The following ABCA12 variants were observed in gnomAD, a reference collection of about 807,000 sequenced individuals.
ABCA12 encodes ATP binding cassette subfamily A member 12.
In ABCA12, 156 loss-of-function variants were observed where a neutral mutation model predicts 293.5. That is an observed-to-expected ratio of 0.53 (90% CI 0.47 to 0.61). The LOEUF (loss-of-function observed/expected upper bound fraction) is 0.61, where lower values mean the gene tolerates loss of function less well. Ranked by LOEUF, ABCA12 falls within the 20% of genes least tolerant of loss-of-function variation. ABCA12 has a pLI of 0.00. For missense variants in ABCA12, 2,797 were observed against 3,090.2 expected (o/e 0.91, Z 2.25); for synonymous variants, 1,063 against 1,108.0 (o/e 0.96, Z 0.81).
chr2:215,075,616 C>T (rs776105778), intron 2 of ABCA12: 1 of 684,212 alleles, frequency 1.5e-6, no homozygotes. Flanking sequence ...TAGAAGAATC[C>T]CCTGTAAAAG....
chr2:214,984,133 G>A (rs1699733941), intron 28 of ABCA12, among the ~76,000 whole-genome samples: 1 of 104,764 alleles, frequency 9.5e-6, no homozygotes, highest in Non-Finnish European at 1.7e-5. Context: ...GTCTCACTCT[G>A]TCGCCCAGGC....
At chr2:215,021,729 A>G (rs906312204) in intron 11 of ABCA12, among the ~76,000 whole-genome samples, 1 of 152,202 alleles carries the variant, frequency 6.6e-6, no homozygotes, top group Non-Finnish European at 1.5e-5. Flanking sequence ...TTATTTCTAT[A>G]TTATCAAATA....
At position 215,049,820 on chromosome 2, in the gene ABCA12, A is replaced by T. The variant is rs1167431575; in HGVS notation, c.508-9T>A. Reference sequence around the variant, plus strand: ...GAATTTTGCTTTAACAGCTAAAAGCATGTGTGAAAAGAGTAAAATAAGAGT... The same window carrying T: ...GAATTTTGCTTTAACAGCTAAAAGCTTGTGTGAAAAGAGTAAAATAAGAGT... On this transcript the variant is annotated splice_polypyrimidine_tract_variant and intron_variant, in intron 5 of 52. Coordinates refer to ENST00000272895, the MANE Select transcript of ABCA12 (RefSeq NM_173076.3). The T allele has an allele frequency of 1.9e-6, 3 of 1,606,578 alleles. No homozygotes were observed. The highest frequency in any genetic ancestry group is 2.6e-6 in the Non-Finnish European group (3 of 1,174,858).
intron 2 of ABCA12, among the ~76,000 whole-genome samples, chr2:215,095,214 T>C (rs922233659): frequency 6.6e-6 from 1 of 151,618 alleles, no homozygotes; most frequent in Non-Finnish European, 1.5e-5. Flanking sequence ...TCTGGCCTAG[T>C]ATATAACAAC....
intron 2 of ABCA12, among the ~76,000 whole-genome samples, chr2:215,079,955 G>T (rs1402804102): frequency 6.6e-6 from 1 of 152,044 alleles, no homozygotes; most frequent in Non-Finnish European, 1.5e-5. Context: ...ACCATTTATC[G>T]TATTCCTAAT....
rs2177424 is a variant in ABCA12 at position 215,025,529 on chromosome 2, C to G, written c.1287+144G>C. On this transcript the variant is annotated intron_variant, in intron 11 of 52. Transcript: ENST00000272895. The stretch of plus-strand genomic sequence containing the variant: ...CATTATAAATCTAGAGTTAAAATAG[C>G]ATCATTATTTACAAAGATCAGATTT... 1 allele frequency: 632,433 copies of G among 632,550 alleles called. 316,159 individuals are homozygous for G. Among genetic ancestry groups the G allele is most frequent in the Middle Eastern group, 1 (2,316 of 2,316 alleles). 39.2% of individuals were successfully genotyped at this position (632,550 alleles called of 1,614,324 possible).
chr2:214,961,843 G>A lies in ABCA12; in HGVS notation c.5885-2765C>T, dbSNP rs919381402. 8 of 152,074 alleles carry A rather than the reference G, an allele frequency of 5.3e-5. 1 individual carries two copies. Among genetic ancestry groups the A allele is most frequent in the African/African-American group, 1.9e-4 (8 of 41,422 alleles). The allele number at this position is 152,074 out of a possible 1,614,324, so 9.4% of individuals were successfully genotyped here. A position where few individuals can be genotyped will look rare whatever the true frequency, so the allele number is the denominator to read the frequency against. On this transcript the variant is annotated intron_variant, in intron 39 of 52. Transcript: ENST00000272895. ...CAAAGCAATTGGGGAAAAAAATACT[G>A]TTTTCTCTGAAATGAAGACTCCTCA...
At chr2:214,961,154 A>C (rs1699101084) in intron 39 of ABCA12, among the ~76,000 whole-genome samples, 2 of 152,190 alleles carry the variant, frequency 1.3e-5, no homozygotes. Context: ...AATAAAAGTA[A>C]GTTAGGGTGA....
In ABCA12 at chr2:215,054,554, A is replaced by G. The variant is rs181280397; in HGVS notation, c.409+19T>C. 38 of 1,593,430 alleles carry G rather than the reference A, an allele frequency of 2.4e-5. No individual in the cohort carries two copies. The Admixed American group carries it at 4.0e-4, about 17-fold the overall frequency. ...TTCCATAAGGCTTGTTCTGAACTCT[A>G]CAGAAGAAAATAGCTTACCTAGTGA... On this transcript the variant is annotated intron_variant, in intron 4 of 52. Coordinates refer to ENST00000272895, the MANE Select transcript of ABCA12 (RefSeq NM_173076.3).
chr2:215,087,420 G>A (rs941124627), intron 2 of ABCA12, among the ~76,000 whole-genome samples: 5 of 151,956 alleles, frequency 3.3e-5, no homozygotes, highest in African/African-American at 9.7e-5. Flanking sequence ...CTTGTCAACG[G>A]ACTGAGTCTT....
At chr2:215,040,684 T>C (rs1242997110) in intron 7 of ABCA12, among the ~76,000 whole-genome samples, 1 of 152,034 alleles carries the variant, frequency 6.6e-6, no homozygotes, top group Non-Finnish European at 1.5e-5. Flanking sequence ...TGGTGGTGCA[T>C]GCCTGTAATC....
intron 11 of ABCA12, among the ~76,000 whole-genome samples, chr2:215,020,481 G>T (rs1439011574): frequency 6.6e-6 from 1 of 152,170 alleles, no homozygotes; most frequent in Non-Finnish European, 1.5e-5. Flanking sequence ...ACCTAGAGTT[G>T]TCAAATTCAT....
At position 215,111,602 on chromosome 2, in the gene ABCA12, G is replaced by A. The variant is rs763023550; in HGVS notation, c.158C>T (p.Pro53Leu). The change falls in exon 2 of 53, where the codon CCA (proline) becomes CTA (leucine). Residue 53 changes from proline to leucine, a missense_variant. Pro to Leu is a moderately conservative substitution (Grantham distance 98). Transcript: ENST00000272895. ...TRTKFPPTAK[P>L]TCYLAPRNLP... Reference sequence around the variant, plus strand: ...AACAAATGTCATTTACTTACAAGTTGGTTTTGCAGTTGGAGGAAATTTGGT... The same window carrying A: ...AACAAATGTCATTTACTTACAAGTTAGTTTTGCAGTTGGAGGAAATTTGGT... 1.1e-5 allele frequency: 17 copies of A among 1,600,224 alleles called. No individual in the cohort carries two copies. Among genetic ancestry groups the A allele is most frequent in the Non-Finnish European group, 1.5e-5 (17 of 1,168,030 alleles).
intron 44 of ABCA12, among the ~76,000 whole-genome samples, chr2:214,952,219 G>T (rs1220659915): frequency 5.8e-4 from 59 of 101,200 alleles, no homozygotes; most frequent in Middle Eastern, 6.8e-3. Flanking sequence ...CCTTTTTTTT[G>T]TTGTTTTTTT....
At chr2:215,046,887 C>T (rs1308603292) in intron 6 of ABCA12, among the ~76,000 whole-genome samples, 1 of 151,990 alleles carries the variant, frequency 6.6e-6, no homozygotes, top group East Asian at 1.9e-4. Flanking sequence ...GAATACTATG[C>T]AGTCAGAAAA....
chr2:215,084,739 A>G (rs1171367737), intron 2 of ABCA12, among the ~76,000 whole-genome samples: 5 of 152,224 alleles, frequency 3.3e-5, no homozygotes, highest in Admixed American at 6.5e-5. Context: ...GCAAAGTTTT[A>G]TATGTATGCC....
At chr2:215,064,433 C>T (rs1052291259) in intron 2 of ABCA12, among the ~76,000 whole-genome samples, 9 of 151,926 alleles carry the variant, frequency 5.9e-5, no homozygotes, top group African/African-American at 1.7e-4. Context: ...TTTGCTAATA[C>T]GTATAAAAAC....
At chr2:215,004,464 TG>T (rs1243399588) in intron 19 of ABCA12, among the ~76,000 whole-genome samples, 165 bp from the exon 20 acceptor site, 3 of 152,070 alleles carry the variant, frequency 2.0e-5, no homozygotes. Flanking sequence ...AAGAGAAGAT[TG>T]GGGGTTGGTA....
intron 8 of ABCA12, among the ~76,000 whole-genome samples, chr2:215,032,841 A>G (rs1395672248): frequency 6.6e-6 from 1 of 152,202 alleles, no homozygotes; most frequent in African/African-American, 2.4e-5. Flanking sequence ...TACCAGCTTC[A>G]ATAGTTCTTG....
Sources: gnomAD v4.1 joint callset for allele counts (sites outside exome capture counted in the v4.1 genomes callset) on GRCh38, gnomAD v4.1.1 for gene constraint, MANE v1.5 for transcripts, NCBI Gene and HGNC (gene_info 2026-07-23, HGNC 2026-07-21) for gene names.